Variants in C8orf34 observed in about 807,000 individuals in gnomAD.
The protein encoded by C8orf34 is uncharacterized protein C8orf34.
A neutral mutation model predicts 68.3 loss-of-function variants in C8orf34; 65 were observed. The observed-to-expected ratio is 0.95, with a 90% confidence interval of 0.78 to 1.17. The LOEUF (loss-of-function observed/expected upper bound fraction) is 1.17, where lower values mean the gene tolerates loss of function less well. C8orf34 is among the 50% of genes most tolerant of loss of function. The pLI, the probability that C8orf34 is intolerant of heterozygous loss-of-function variation, is 0.00. For missense variants in C8orf34, 664 were observed against 655.4 expected (o/e 1.01, Z -0.14); for synonymous variants, 244 against 241.2 (o/e 1.01, Z -0.11).
chr8:68,708,738 T>A (rs1267123829), intron 8 of C8orf34, among the ~76,000 whole-genome samples: 1 of 152,132 alleles, frequency 6.6e-6, no homozygotes, highest in East Asian at 1.9e-4. Context: ...CTACGGTCAG[T>A]CTGAGAAGAA....
chr8:68,462,052 C>T (rs370747275), intron 3 of C8orf34, among the ~76,000 whole-genome samples: 6 of 151,970 alleles, frequency 3.9e-5, no homozygotes, highest in Admixed American at 6.6e-5. Context: ...ACCCATCTCA[C>T]GTGCAGAGAC....
At position 68,412,481 on chromosome 8, in the gene C8orf34, C is replaced by G. The variant is rs1199207458; in HGVS notation, c.328-27018C>G. Among the ~76,000 whole-genome samples, 3 of 152,030 alleles carry G rather than the reference C, an allele frequency of 2.0e-5. No individual in the cohort carries two copies. In the East Asian group the frequency reaches 5.8e-4, roughly 29 times the overall value. On this transcript the variant is annotated intron_variant, in intron 1 of 13. Coordinates refer to ENST00000518698, the MANE Select transcript of C8orf34 (RefSeq NM_052958.4). ...CCATGCCATCAGATTACATTTCCCA[C>G]CACTCCTCATTTTTACTTTTCTCTA...
chr8:68,468,877 A>T, intron 4 of C8orf34, 57 bp downstream of exon 4: 1 of 1,556,058 alleles, frequency 6.4e-7, no homozygotes, highest in Non-Finnish European at 8.7e-7. Context: ...AAGCCGAAGC[A>T]TTCATTACTT....
At chr8:68,530,555 G>A in intron 6 of C8orf34, 1 of 1,080,574 alleles carries the variant, frequency 9.3e-7, no homozygotes, top group African/African-American at 1.6e-5. Context: ...AATAAAGTTG[G>A]TCAAGGAAGA....
chr8:68,695,472 A>T (rs1327113224), intron 8 of C8orf34, among the ~76,000 whole-genome samples: 2 of 152,114 alleles, frequency 1.3e-5, no homozygotes, highest in East Asian at 3.9e-4. Context: ...TTATAAGTAC[A>T]TCTTCAATGC....
chr8:68,360,187 GA>G (rs1806923777), intron 1 of C8orf34, among the ~76,000 whole-genome samples: 1 of 152,122 alleles, frequency 6.6e-6, no homozygotes, highest in African/African-American at 2.4e-5. Flanking sequence ...TGAGTTCTGT[GA>G]AATGTCTTTT....
intron 4 of C8orf34, among the ~76,000 whole-genome samples, chr8:68,469,792 T>C (rs574401454): frequency 6.6e-6 from 1 of 152,000 alleles, no homozygotes; most frequent in African/African-American, 2.4e-5. Context: ...ATCTCTATTT[T>C]TATTTTAGAT....
intron 8 of C8orf34, among the ~76,000 whole-genome samples, chr8:68,672,788 G>A (rs1820054890): frequency 6.6e-6 from 1 of 152,210 alleles, no homozygotes; most frequent in African/African-American, 2.4e-5. Context: ...CACCAGCACA[G>A]GTGGCTAAAG....
intron 1 of C8orf34, among the ~76,000 whole-genome samples, chr8:68,356,776 A>G (rs1240278121): frequency 6.6e-6 from 1 of 152,176 alleles, no homozygotes. Flanking sequence ...TATATGTAGT[A>G]TTCTACATGA....
At chr8:68,562,753 G>A (rs993489389) in intron 7 of C8orf34, among the ~76,000 whole-genome samples, 1 of 152,198 alleles carries the variant, frequency 6.6e-6, no homozygotes, top group Non-Finnish European at 1.5e-5. Flanking sequence ...TGGTTCACAT[G>A]TACAGGCACC....
At chr8:68,372,712 A>G (rs1301760061) in intron 1 of C8orf34, among the ~76,000 whole-genome samples, 1 of 152,184 alleles carries the variant, frequency 6.6e-6, no homozygotes, top group Non-Finnish European at 1.5e-5. Flanking sequence ...TCAACCCGTC[A>G]TCTACATTAA....
At position 68,356,216 on chromosome 8, in the gene C8orf34, T is replaced by G. The variant is rs185800875; in HGVS notation, c.327+24877T>G. On this transcript the variant is annotated intron_variant, in intron 1 of 13. Transcript: ENST00000518698. ...TGAATATCATTTGTCACTACAAGTC[T>G]GAGAATATTCTTAGCAGTTTATGGG... Among the ~76,000 whole-genome samples, 6 of 152,330 alleles carry G rather than the reference T, an allele frequency of 3.9e-5. No homozygotes were observed. In the East Asian group the frequency reaches 1.2e-3, roughly 29 times the overall value.
chr8:68,634,661 A>T (rs930502065), intron 7 of C8orf34, among the ~76,000 whole-genome samples: 7 of 152,144 alleles, frequency 4.6e-5, no homozygotes, highest in Non-Finnish European at 7.3e-5. Context: ...TGTTCTTTGT[A>T]TATTTAGCAT....
chr8:68,427,396 G>A (rs537272459), intron 1 of C8orf34, among the ~76,000 whole-genome samples: 13 of 152,150 alleles, frequency 8.5e-5, no homozygotes, highest in African/African-American at 2.2e-4. Flanking sequence ...GCATAACAAC[G>A]TGGACAAACC....
At position 68,352,669 on chromosome 8, in the gene C8orf34, C is replaced by T. The variant is rs190374323; in HGVS notation, c.327+21330C>T. ...CTTTCATTCAAATTTGGTAATATTG[C>T]AAATTGAAAGAGCCTTTTGGGTTCG... On this transcript the variant is annotated intron_variant, in intron 1 of 13. Coordinates refer to ENST00000518698, the MANE Select transcript of C8orf34 (RefSeq NM_052958.4). 5.9e-4 allele frequency among the ~76,000 whole-genome samples: 90 copies of T among 152,040 alleles called. 1 individual carries two copies. The highest frequency in any genetic ancestry group is 3.5e-3 in the South Asian group (17 of 4,816).
At chr8:68,609,114 C>T (rs1817939640) in intron 7 of C8orf34, among the ~76,000 whole-genome samples, 3 of 152,120 alleles carry the variant, frequency 2.0e-5, no homozygotes, top group Admixed American at 1.3e-4. Context: ...TTTGAGGTTG[C>T]AGTGAACTTT....
intron 11 of C8orf34, among the ~76,000 whole-genome samples, chr8:68,777,348 T>C (rs28742208): frequency 0.023 from 3,538 of 152,328 alleles, 152 homozygotes; most frequent in African/African-American, 0.08. Flanking sequence ...CTGCTGATGA[T>C]AGAACTTAAG....
intron 12 of C8orf34, among the ~76,000 whole-genome samples, chr8:68,808,952 T>A (rs1824566626): frequency 6.6e-6 from 1 of 152,220 alleles, no homozygotes; most frequent in Non-Finnish European, 1.5e-5. Context: ...TACTAATGAT[T>A]CACCCTTTTT....
chr8:68,812,407 G>A (rs1233586392), intron 12 of C8orf34, among the ~76,000 whole-genome samples: 3 of 151,992 alleles, frequency 2.0e-5, no homozygotes, highest in East Asian at 1.9e-4. Context: ...ACTGTATATC[G>A]TCTTTAGTAT....
Sources: gnomAD v4.1 joint callset for allele counts (sites outside exome capture counted in the v4.1 genomes callset) on GRCh38, gnomAD v4.1.1 for gene constraint, MANE v1.5 for transcripts, NCBI Gene and HGNC (gene_info 2026-07-23, HGNC 2026-07-21) for gene names.